RANBP2: variants seen among roughly 807,000 people sequenced by gnomAD.
RANBP2 encodes E3 SUMO-protein ligase RanBP2.
RANBP2 carries 57 observed loss-of-function variants against 303.6 expected under a neutral mutation model. That is an observed-to-expected ratio of 0.19 (90% CI 0.15 to 0.23). RANBP2 has a LOEUF of 0.23. Among genes scored for constraint, RANBP2 ranks in the 10% least tolerant of loss-of-function variants. The probability of loss-of-function intolerance (pLI) is 1.00; values close to 1 mark genes in which losing one functional copy is unlikely to be tolerated. For missense variants in RANBP2, 3,138 were observed against 3,780.8 expected (o/e 0.83, Z 4.46); for synonymous variants, 1,167 against 1,301.5 (o/e 0.90, Z 2.23).
At chr2:109,342,262 T>A in the RANBP2 span, among the ~76,000 whole-genome samples, 4 of 152,214 alleles carry the variant, frequency 2.6e-5, no homozygotes, top group East Asian at 3.9e-4. Flanking sequence ...CAACATGGAC[T>A]GTGAATCTCA....
chr2:108,908,341 C>G, the RANBP2 span, among the ~76,000 whole-genome samples: 1 of 152,152 alleles, frequency 6.6e-6, no homozygotes, highest in Non-Finnish European at 1.5e-5. Flanking sequence ...AATGGATGCT[C>G]CGTGAAGGTT....
intron 1 of RANBP2, among the ~76,000 whole-genome samples, chr2:108,722,770 A>AG (rs1327493731): frequency 6.6e-6 from 1 of 151,454 alleles, no homozygotes; most frequent in African/African-American, 2.4e-5. Flanking sequence ...CAGCGCCTGT[A>AG]GTCCCACCTA....
At chr2:109,028,909 G>A in the RANBP2 span, among the ~76,000 whole-genome samples, 2 of 152,114 alleles carry the variant, frequency 1.3e-5, no homozygotes, top group African/African-American at 2.4e-5. Context: ...TGGCTGTCAC[G>A]ACTTTAGTTG....
the RANBP2 span, among the ~76,000 whole-genome samples, chr2:109,241,454 CT>C: frequency 1.1e-4 from 16 of 151,674 alleles, no homozygotes; most frequent in East Asian, 1.9e-4. Flanking sequence ...TAGGAATGTC[CT>C]TTTTTTTTCT....
At chr2:108,740,993 G>A (rs1274383487) in intron 7 of RANBP2, among the ~76,000 whole-genome samples, 5 of 152,094 alleles carry the variant, frequency 3.3e-5, no homozygotes, top group African/African-American at 4.8e-5. Context: ...CGTATTATGG[G>A]TAAAGCTTGA....
the RANBP2 span, among the ~76,000 whole-genome samples, chr2:109,497,405 A>C: frequency 6.6e-6 from 1 of 152,222 alleles, no homozygotes; most frequent in East Asian, 1.9e-4. Flanking sequence ...CAGAACATCC[A>C]AACCTCGCAC....
chr2:109,488,566 A>G, the RANBP2 span, among the ~76,000 whole-genome samples: 17 of 151,784 alleles, frequency 1.1e-4, no homozygotes, highest in African/African-American at 3.9e-4. Context: ...CAGGCACCCC[A>G]CTCAGATCCC....
chr2:109,691,691 T>C, the RANBP2 span, among the ~76,000 whole-genome samples: 21 of 151,948 alleles, frequency 1.4e-4, no homozygotes, highest in Non-Finnish European at 1.3e-4. Flanking sequence ...CACAAATCTA[T>C]AGAGTAAAAC....
chr2:109,552,132 C>T, the RANBP2 span, among the ~76,000 whole-genome samples: 18 of 152,160 alleles, frequency 1.2e-4, no homozygotes, highest in East Asian at 2.3e-3. Context: ...CTTGGTTGTG[C>T]GCTCCTTGTG....
At chr2:109,412,994 C>G in the RANBP2 span, among the ~76,000 whole-genome samples, 1 of 152,156 alleles carries the variant, frequency 6.6e-6, no homozygotes, top group African/African-American at 2.4e-5. Context: ...ATTCTGTGTC[C>G]TTGTCAGCCT....
the RANBP2 span, among the ~76,000 whole-genome samples, chr2:108,807,786 T>A: frequency 1.3e-5 from 2 of 151,976 alleles, no homozygotes; most frequent in African/African-American, 4.8e-5. Flanking sequence ...CCTGGCTAAT[T>A]TTTGTATTTT....
chr2:108,818,910 T>C, the RANBP2 span, among the ~76,000 whole-genome samples: 2 of 152,176 alleles, frequency 1.3e-5, no homozygotes, highest in Middle Eastern at 3.4e-3. Flanking sequence ...GAGGAGTAAA[T>C]TTGATATACT....
At chr2:109,716,442 G>A in the RANBP2 span, among the ~76,000 whole-genome samples, 5 of 151,986 alleles carry the variant, frequency 3.3e-5, no homozygotes, top group Non-Finnish European at 7.4e-5. Flanking sequence ...AGTAGAGACC[G>A]GGTTTCACCA....
At chr2:108,923,573 A>C in the RANBP2 span, 46 of 827,026 alleles carry the variant, frequency 5.6e-5, no homozygotes, top group Admixed American at 7.1e-4. Context: ...GCATGAGGCC[A>C]CGCCCACTCA....
Position 108,745,946 on chromosome 2 carries a change from G to A in RANBP2, c.976-765G>A, listed in dbSNP as rs894162823. On this transcript the variant is annotated intron_variant, in intron 7 of 28. Coordinates refer to ENST00000283195, the MANE Select transcript of RANBP2 (RefSeq NM_006267.5). The stretch of plus-strand genomic sequence containing the variant: ...TTTGGAGATAGGGTCTCACTCTGTC[G>A]CCCAAGCTGGAGCACAGTGGCATGA... Among the ~76,000 whole-genome samples, 288 of 145,394 alleles carry A rather than the reference G, an allele frequency of 2.0e-3. 2 individuals are homozygous for A. The highest frequency in any genetic ancestry group is 7.2e-3 in the African/African-American group (278 of 38,606).
chr2:108,974,823 A>G, the RANBP2 span, among the ~76,000 whole-genome samples: 1 of 152,188 alleles, frequency 6.6e-6, no homozygotes, highest in African/African-American at 2.4e-5. Flanking sequence ...AGCAAATGGC[A>G]GAGCTGGGGT....
At chr2:109,425,312 G>A in the RANBP2 span, among the ~76,000 whole-genome samples, 1 of 152,246 alleles carries the variant, frequency 6.6e-6, no homozygotes, top group South Asian at 2.1e-4. Context: ...TGATGGAAAA[G>A]CTGTAGCAAG....
the RANBP2 span, chr2:108,923,295 TCCTACAC>T: frequency 1.4e-6 from 2 of 1,464,844 alleles, no homozygotes; most frequent in Non-Finnish European, 1.9e-6. Context: ...ACCGGCTCTT[TCCTACAC>T]CCTCTGTAGT....
chr2:108,722,880 G>A (rs1318694137), intron 1 of RANBP2, among the ~76,000 whole-genome samples: 2 of 151,708 alleles, frequency 1.3e-5, no homozygotes, highest in African/African-American at 4.9e-5. Context: ...GACAGAGCGA[G>A]ACTCTGTCTC....
Sources: allele counts gnomAD v4.1 joint callset (sites outside exome capture counted in the v4.1 genomes callset), GRCh38; gene constraint gnomAD v4.1.1; transcripts MANE v1.5; gene names NCBI Gene and HGNC (gene_info 2026-07-23, HGNC 2026-07-21).